ZFP62: variants seen among roughly 807,000 people sequenced by gnomAD.
The protein encoded by ZFP62 is ZFP62 zinc finger protein, also known as zinc finger protein 62 homolog.
In ZFP62, 44 loss-of-function variants were observed where a neutral mutation model predicts 56.4. The observed-to-expected ratio is 0.78, with a 90% confidence interval of 0.61 to 1.00. The LOEUF (loss-of-function observed/expected upper bound fraction) is 1.00. ZFP62 is among the 50% of genes least tolerant of loss of function. ZFP62 has a pLI of 0.00. For synonymous variants in ZFP62, 421 were observed against 388.9 expected (o/e 1.08, Z -0.97); for missense variants, 1,030 against 1,085.7 (o/e 0.95, Z 0.72).
At chr5:180,842,816 T>C (rs544714727), downstream of ZFP62, among the ~76,000 whole-genome samples, 2 of 151,926 alleles carry the variant, frequency 1.3e-5, no homozygotes, top group East Asian at 3.9e-4. Context: ...CCAAGGCAGG[T>C]GGATCACCTG....
chr5:180,852,662 T>C (rs1395913243), intron 1 of ZFP62, among the ~76,000 whole-genome samples: 2 of 151,904 alleles, frequency 1.3e-5, no homozygotes, highest in Non-Finnish European at 2.9e-5. Context: ...GCTGTACAAA[T>C]GCCAGAAAAC....
chr5:180,855,229 G>A (rs1283243646), intron 1 of ZFP62, among the ~76,000 whole-genome samples: 5 of 152,156 alleles, frequency 3.3e-5, no homozygotes, highest in Admixed American at 1.3e-4. Context: ...TTTACTGTTC[G>A]TATTCTTGAA....
the ZFP62 span, among the ~76,000 whole-genome samples, chr5:180,841,252 TACAC>T: frequency 1.8e-5 from 1 of 57,108 alleles, no homozygotes; most frequent in Non-Finnish European, 3.6e-5. Flanking sequence ...CATATATATA[TACAC>T]ACACACACAC....
chr5:180,849,388 A>T lies in ZFP62; in HGVS notation c.2107T>A (p.Cys703Ser). 6.4e-7 allele frequency: 1 copy of T among 1,550,994 alleles called. No individual in the cohort carries two copies. The highest frequency in any genetic ancestry group is 8.7e-7 in the Non-Finnish European group (1 of 1,146,616). Residue 703 changes from cysteine (C) to serine (S), a missense_variant, in exon 2 of 2, where the codon TGT becomes AGT. Cys to Ser is a moderately radical substitution (Grantham distance 112). Coordinates refer to ENST00000502412, the MANE Select transcript of ZFP62 (RefSeq NM_001172638.2). ...STHPGRTPHT[C>S]DECGKAFFSS... ...AAAAAAGCTTTTCCACATTCATCAC[A>T]TGTATGGGGTGTCCTGCCAGGGTGG...
downstream of ZFP62, among the ~76,000 whole-genome samples, chr5:180,846,227 C>T (rs992210090): frequency 1.3e-5 from 2 of 152,084 alleles, no homozygotes; most frequent in Non-Finnish European, 2.9e-5. Context: ...CTGGAGCATG[C>T]GAGTAGATGG....
Position 180,850,490 on chromosome 5 carries a change from T to C in ZFP62, c.1005A>G (p.Lys335=). Residue 335 remains lysine, a synonymous_variant, in exon 2 of 2, where the codon AAA becomes AAG. Transcript: ENST00000502412. ...LNHKSIHFGD[K]PYKCDECEKS... ...TCTCACACTCATCACATTTATAGGG[T>C]TTATCTCCAAAGTGGATGCTTTTAT... The C allele has an allele frequency of 6.4e-7, 1 of 1,552,504 alleles. No individual in the cohort carries two copies. Among genetic ancestry groups the C allele is most frequent in the Non-Finnish European group, 8.7e-7 (1 of 1,147,424 alleles).
chr5:180,854,739 C>T (rs1032206730), intron 1 of ZFP62, among the ~76,000 whole-genome samples: 13 of 152,114 alleles, frequency 8.5e-5, no homozygotes, highest in African/African-American at 3.1e-4. Context: ...ACCAGGTAAA[C>T]CCAAAACGAA....
chr5:180,851,049 G>A lies in ZFP62; in HGVS notation c.446C>T (p.Ser149Phe). 6.4e-7 allele frequency: 1 copy of A among 1,551,650 alleles called. No individual in the cohort carries two copies. The highest frequency in any genetic ancestry group is 8.7e-7 in the Non-Finnish European group (1 of 1,147,000). Residue 149 changes from serine to phenylalanine, a missense_variant, in exon 2 of 2, where the codon TCC becomes TTC. Coordinates refer to ENST00000502412, the MANE Select transcript of ZFP62 (RefSeq NM_001172638.2). ...KLHKCDECGK[S>F]FKYNSRLVQH... is the part of the protein sequence containing the mutation. ...AACAAGGCGGGAATTATATTTGAAGGATTTCCCACATTCATCACATTTATG... is the reference window on the plus strand; with the variant it reads ...AACAAGGCGGGAATTATATTTGAAGAATTTCCCACATTCATCACATTTATG...
At chr5:180,833,912 G>A in the ZFP62 span, among the ~76,000 whole-genome samples, 6 of 152,002 alleles carry the variant, frequency 3.9e-5, no homozygotes, top group East Asian at 1.9e-4. Flanking sequence ...CTCATGATCC[G>A]CCCGCCTCGG....
chr5:180,846,228 G>A (rs376920772), downstream of ZFP62, among the ~76,000 whole-genome samples: 19 of 152,138 alleles, frequency 1.2e-4, no homozygotes, highest in African/African-American at 3.1e-4. Context: ...TGGAGCATGC[G>A]AGTAGATGGG....
the ZFP62 span, among the ~76,000 whole-genome samples, chr5:180,836,473 C>T: frequency 1.3e-5 from 2 of 152,222 alleles, no homozygotes; most frequent in Non-Finnish European, 2.9e-5. Flanking sequence ...GTCTCTCAAT[C>T]TCTCACTCCT....
chr5:180,837,817 A>C, the ZFP62 span, among the ~76,000 whole-genome samples: 1 of 152,136 alleles, frequency 6.6e-6, no homozygotes, highest in South Asian at 2.1e-4. Flanking sequence ...TCTCCTTTTC[A>C]ATTTCTGTCA....
chr5:180,850,628 G>A lies in ZFP62; in HGVS notation c.867C>T (p.Thr289=). 3 of 1,574,276 alleles carry A rather than the reference G, an allele frequency of 1.9e-6. No individual in the cohort carries two copies. The highest frequency in any genetic ancestry group is 1.7e-6 in the Non-Finnish European group (2 of 1,159,768). ...KPYECDICGK[T]FSNSSGLRVH... is the part of the protein sequence containing the mutation. ...CCCTAAGGCCAGAGCTGTTACTGAA[G>A]GTTTTCCCACAGATGTCGCATTCAT... The change falls in exon 2 of 2, where the codon ACC becomes ACT. Residue 289 remains threonine, a synonymous_variant. Coordinates refer to ENST00000502412, the MANE Select transcript of ZFP62 (RefSeq NM_001172638.2).
the ZFP62 span, among the ~76,000 whole-genome samples, chr5:180,829,374 A>T: frequency 6.6e-6 from 1 of 151,848 alleles, no homozygotes; most frequent in Non-Finnish European, 1.5e-5. Flanking sequence ...CTTTGTTCCT[A>T]CTCCCTGTTC....
Position 180,851,013 on chromosome 5 carries a change from A to G in ZFP62, c.482T>C (p.Ile161Thr). The change falls in exon 2 of 2, where the codon ATT (isoleucine) becomes ACT (threonine). Residue 161 changes from isoleucine (I) to threonine (T), a missense_variant. Transcript: ENST00000502412. ...KYNSRLVQHK[I>T]MHTGEKRYEC... ...ATAGCGCTTTTCCCCAGTGTGCATA[A>G]TTTTATGTTGAACAAGGCGGGAATT... 6.4e-7 allele frequency: 1 copy of G among 1,551,760 alleles called. No homozygotes were observed. The highest frequency in any genetic ancestry group is 1.2e-5 in the South Asian group (1 of 84,050).
chr5:180,831,574 G>A, the ZFP62 span: 1 of 152,382 alleles, frequency 6.6e-6, no homozygotes, highest in Non-Finnish European at 1.5e-5. Flanking sequence ...TGCGCCAAGC[G>A]CGGGTCTCGC....
intron 1 of ZFP62, among the ~76,000 whole-genome samples, chr5:180,856,507 G>A (rs997353962): frequency 6.6e-6 from 1 of 152,138 alleles, no homozygotes; most frequent in African/African-American, 2.4e-5. Flanking sequence ...GAGGCTAAGT[G>A]TTGCCCAAGG....
chr5:180,860,833 T>G, intron 1 of ZFP62: 1 of 258,522 alleles, frequency 3.9e-6, no homozygotes, highest in Non-Finnish European at 7.3e-6. Flanking sequence ...CACGAAATGG[T>G]GGGTATTTTG....
the ZFP62 span, chr5:180,835,483 A>G: frequency 6.6e-6 from 1 of 152,260 alleles, no homozygotes; most frequent in Non-Finnish European, 1.5e-5. Flanking sequence ...TGCAGATGGT[A>G]TATTGTGACC....
Sources: allele counts gnomAD v4.1 joint callset (sites outside exome capture counted in the v4.1 genomes callset), GRCh38; gene constraint gnomAD v4.1.1; transcripts MANE v1.5; gene names NCBI Gene and HGNC (gene_info 2026-07-23, HGNC 2026-07-21).